Variants in SPAG16 observed in about 807,000 individuals in gnomAD.
SPAG16 encodes sperm associated antigen 16, also known as sperm-associated antigen 16 protein.
In SPAG16, 86 loss-of-function variants were observed where a neutral mutation model predicts 80.4. The observed-to-expected ratio is 1.07, with a 90% CI of 0.90 to 1.28. SPAG16 has a LOEUF of 1.28. Ranked by LOEUF, SPAG16 falls within the 50% of genes most tolerant of loss-of-function variation. The probability of loss-of-function intolerance (pLI) is 0.00; values close to 1 mark genes in which losing one functional copy is unlikely to be tolerated. For missense variants in SPAG16, 870 were observed against 765.3 expected (o/e 1.14, Z -1.61); for synonymous variants, 294 against 265.9 (o/e 1.11, Z -1.03).
intron 9 of SPAG16, among the ~76,000 whole-genome samples, chr2:213,385,450 C>T (rs2067377943): frequency 6.6e-6 from 1 of 152,166 alleles, no homozygotes; most frequent in Admixed American, 6.5e-5. Context: ...CCCAATTCTT[C>T]ATGTACTGTC....
chr2:213,396,035 T>C (rs1489790337), intron 9 of SPAG16, among the ~76,000 whole-genome samples: 5 of 152,104 alleles, frequency 3.3e-5, no homozygotes, highest in Admixed American at 1.3e-4. Flanking sequence ...TTCTTTTATG[T>C]TTCACTGGTG....
chr2:213,786,243 G>A (rs939855047), intron 10 of SPAG16, among the ~76,000 whole-genome samples: 2 of 152,000 alleles, frequency 1.3e-5, no homozygotes, highest in East Asian at 1.9e-4. Context: ...CGCTTCTGTC[G>A]TAAAAGAATG....
chr2:213,695,687 C>T (rs927303859), intron 10 of SPAG16, among the ~76,000 whole-genome samples: 8 of 152,162 alleles, frequency 5.3e-5, no homozygotes, highest in Non-Finnish European at 8.8e-5. Flanking sequence ...AAGGAGCCAG[C>T]CATGAGAAGA....
rs145928408 is a variant in SPAG16 at position 213,991,528 on chromosome 2, AT to A, written c.1401-22420del. On this transcript the variant is annotated intron_variant, in intron 12 of 15. Coordinates refer to ENST00000331683, the MANE Select transcript of SPAG16 (RefSeq NM_024532.5). ...TTATGGTTTGGCATCCTCACATTCCATTTATTCATCTGAATCCATGTTTTCC... is the reference window on the plus strand; with the variant it reads ...TTATGGTTTGGCATCCTCACATTCCATTATTCATCTGAATCCATGTTTTCC... Among the ~76,000 whole-genome samples, 7 of 152,094 alleles carry A rather than the reference AT, an allele frequency of 4.6e-5. No individual in the cohort carries two copies. In the East Asian group the frequency reaches 1.4e-3, roughly 29 times the overall value.
chr2:213,755,997 G>A (rs1427136655), intron 10 of SPAG16, among the ~76,000 whole-genome samples: 1 of 152,096 alleles, frequency 6.6e-6, no homozygotes, highest in Non-Finnish European at 1.5e-5. Context: ...TAATGAAATA[G>A]TTTAAAAATC....
At chr2:214,259,569 T>C (rs1298039538) in intron 15 of SPAG16, among the ~76,000 whole-genome samples, 1 of 145,994 alleles carries the variant, frequency 6.8e-6, no homozygotes, top group Non-Finnish European at 1.5e-5. Context: ...TCGGCAGATA[T>C]AACCCTGAGC....
At chr2:213,620,587 T>C (rs2125050876) in intron 10 of SPAG16, among the ~76,000 whole-genome samples, 1 of 152,186 alleles carries the variant, frequency 6.6e-6, no homozygotes, top group African/African-American at 2.4e-5. Context: ...CCACTGCGCC[T>C]GGCTGTATTG....
intron 11 of SPAG16, among the ~76,000 whole-genome samples, chr2:213,927,299 C>T (rs2078525321): frequency 6.6e-6 from 1 of 152,212 alleles, no homozygotes; most frequent in South Asian, 2.1e-4. Flanking sequence ...CAGTCCATAA[C>T]ATTCACTTGT....
chr2:214,305,029 C>T (rs890868166), intron 15 of SPAG16, among the ~76,000 whole-genome samples: 10 of 152,180 alleles, frequency 6.6e-5, no homozygotes, highest in Admixed American at 5.9e-4. Context: ...CACAACCTCA[C>T]CAGAATCTGT....
At chr2:213,857,948 GATAGAA>G (rs2075249070) in intron 10 of SPAG16, among the ~76,000 whole-genome samples, 1 of 152,176 alleles carries the variant, frequency 6.6e-6, no homozygotes, top group Non-Finnish European at 1.5e-5. Context: ...CATCAGATGT[GATAGAA>G]ATAGCAAAAG....
At chr2:214,101,985 C>T (rs1288768849) in intron 13 of SPAG16, among the ~76,000 whole-genome samples, 1 of 152,006 alleles carries the variant, frequency 6.6e-6, no homozygotes. Context: ...TAGAACTACA[C>T]TGAAGCAAAG....
intron 15 of SPAG16, among the ~76,000 whole-genome samples, chr2:214,267,085 A>T (rs1029378056): frequency 6.6e-6 from 1 of 151,826 alleles, no homozygotes; most frequent in Non-Finnish European, 1.5e-5. Flanking sequence ...AGAAAAAAAA[A>T]TCCTAAAATT....
chr2:213,535,942 A>G (rs1046372803), intron 10 of SPAG16, among the ~76,000 whole-genome samples: 4 of 152,112 alleles, frequency 2.6e-5, no homozygotes, highest in African/African-American at 7.2e-5. Flanking sequence ...CTTGAATTAT[A>G]ATAGGGACAT....
At chr2:213,874,445 C>T (rs1231503356) in intron 11 of SPAG16, among the ~76,000 whole-genome samples, 1 of 152,098 alleles carries the variant, frequency 6.6e-6, no homozygotes, top group East Asian at 1.9e-4. Flanking sequence ...CAAAGACACA[C>T]ACATTAGCCT....
intron 1 of SPAG16, among the ~76,000 whole-genome samples, chr2:213,295,584 A>G (rs779171293): frequency 1.3e-5 from 2 of 152,050 alleles, no homozygotes; most frequent in Non-Finnish European, 2.9e-5. Context: ...ATTGGCGTGC[A>G]TTTGTTTTGT....
intron 10 of SPAG16, among the ~76,000 whole-genome samples, chr2:213,592,318 GA>G (rs1266729620): frequency 2.6e-5 from 4 of 152,060 alleles, no homozygotes; most frequent in African/African-American, 9.7e-5. Context: ...GTCTCAGATT[GA>G]ATCGCTCTAG....
intron 10 of SPAG16, among the ~76,000 whole-genome samples, chr2:213,699,446 A>C (rs1366932006): frequency 6.6e-6 from 1 of 152,192 alleles, no homozygotes; most frequent in Non-Finnish European, 1.5e-5. Context: ...TCTTAACTAA[A>C]GACAGCCCTA....
chr2:213,531,359 A>AGTGTGTGTGTGTGT lies in SPAG16; in HGVS notation c.1070+41294_1070+41307dup, dbSNP rs56011234. On this transcript the variant is annotated intron_variant, in intron 10 of 15. Transcript: ENST00000331683. Reference sequence around the variant, plus strand: ...TTTTCTGTTTATTAAAAAAGATGTGAGTGTGTGTGTGTGTGTGTGTGTGTG... The same window carrying AGTGTGTGTGTGTGT: ...TTTTCTGTTTATTAAAAAAGATGTGAGTGTGTGTGTGTGTGTGTGTGTGTGTGTGTGTGTGTGTG... Among the ~76,000 whole-genome samples the AGTGTGTGTGTGTGT allele has an allele frequency of 2.4e-3, 334 of 142,110 alleles. 1 individual carries two copies. Among genetic ancestry groups the AGTGTGTGTGTGTGT allele is most frequent in the Middle Eastern group, 0.01 (3 of 290 alleles). The allele number at this position is 142,110 out of a possible 152,430, so 93.2% of individuals were successfully genotyped here.
At chr2:214,325,786 C>CT (rs1385494467) in intron 15 of SPAG16, among the ~76,000 whole-genome samples, 2 of 151,408 alleles carry the variant, frequency 1.3e-5, no homozygotes, top group Non-Finnish European at 2.9e-5. Flanking sequence ...ACATCCAATA[C>CT]TTTTTCACTG....
Sources: allele counts gnomAD v4.1 joint callset (sites outside exome capture counted in the v4.1 genomes callset), GRCh38; gene constraint gnomAD v4.1.1; transcripts MANE v1.5; gene names NCBI Gene and HGNC (gene_info 2026-07-23, HGNC 2026-07-21).